Variants in PRELID2 observed in about 807,000 individuals in gnomAD.
PRELID2 encodes the protein PRELI domain containing 2.
PRELID2 carries 25 observed loss-of-function variants against 28.4 expected under a neutral mutation model. The observed-to-expected ratio is 0.88, with a 90% CI of 0.64 to 1.23. The LOEUF is 1.23. PRELID2 is among the 50% of genes most tolerant of loss of function. The pLI is 0.00. For synonymous variants in PRELID2, 76 were observed against 71.6 expected, an observed-to-expected ratio of 1.06 and a Z score of -0.31; for missense variants, 201 against 214.4, an observed-to-expected ratio of 0.94 and a Z score of 0.39.
the PRELID2 span, chr5:145,229,553 A>G: frequency 2.0e-6 from 3 of 1,475,890 alleles, no homozygotes; most frequent in Non-Finnish European, 2.8e-6. Flanking sequence ...CACCCACCAG[A>G]CCTCCTTGGA....
intron 1 of PRELID2, among the ~76,000 whole-genome samples, chr5:145,484,330 T>A (rs1208779018): frequency 1.3e-5 from 2 of 152,168 alleles, no homozygotes; most frequent in African/African-American, 2.4e-5. Flanking sequence ...AAACAGTGAC[T>A]TCCATTGGGT....
chr5:145,639,051 G>A (rs894633286), intron 1 of PRELID2, among the ~76,000 whole-genome samples: 2 of 152,154 alleles, frequency 1.3e-5, no homozygotes, highest in South Asian at 4.1e-4. Flanking sequence ...ATAATCAGTA[G>A]TCAAATAAAC....
intron 1 of PRELID2, among the ~76,000 whole-genome samples, chr5:145,827,898 T>C (rs1023622700): frequency 1.3e-5 from 2 of 152,158 alleles, no homozygotes; most frequent in Non-Finnish European, 2.9e-5. Flanking sequence ...AAAATCTAAA[T>C]AGGGTCTATA....
intron 1 of PRELID2, among the ~76,000 whole-genome samples, chr5:145,724,646 T>TATATATATATATAA (rs1756090075): frequency 8.3e-6 from 1 of 120,106 alleles, no homozygotes; most frequent in African/African-American, 3.0e-5. Context: ...TATATATATA[T>TATATATATATATAA]AATGCCTGTA....
intron 1 of PRELID2, among the ~76,000 whole-genome samples, chr5:145,474,938 T>G (rs1263279143): frequency 6.6e-6 from 1 of 152,182 alleles, no homozygotes; most frequent in Non-Finnish European, 1.5e-5. Flanking sequence ...GATATCACCA[T>G]GCATATTAAA....
chr5:145,473,292 A>G (rs1272957338), exon 2 of PRELID2: 2 of 152,198 alleles, frequency 1.3e-5, no homozygotes, highest in Non-Finnish European at 2.9e-5. Context: ...TACATTTTCC[A>G]GTCTTTATTT....
chr5:145,692,022 T>C (rs914188518), intron 1 of PRELID2, among the ~76,000 whole-genome samples: 1 of 152,192 alleles, frequency 6.6e-6, no homozygotes, highest in African/African-American at 2.4e-5. Context: ...TCCTCCTCTA[T>C]GATGCTTGCT....
the PRELID2 span, among the ~76,000 whole-genome samples, chr5:145,344,632 T>C: frequency 2.0e-5 from 3 of 152,048 alleles, no homozygotes; most frequent in South Asian, 6.2e-4. Context: ...GTATACATAA[T>C]GTAAAATGTT....
chr5:145,745,690 C>T lies in PRELID2; in HGVS notation n.70+19241G>A, dbSNP rs146387989. Among the ~76,000 whole-genome samples the T allele has an allele frequency of 4.2e-3, 645 of 152,136 alleles. 2 individuals carry two copies. The highest frequency in any genetic ancestry group is 0.014 in the African/African-American group (575 of 41,508). On this transcript the variant is annotated intron_variant and non_coding_transcript_variant, in intron 1 of 2. Transcript: ENST00000510259. ...CAGCCTAGCCAACATGGTGAAATCC[C>T]GTCTCTACTAAAAATAGAAACAATT...
At chr5:145,440,105 G>A in the PRELID2 span, among the ~76,000 whole-genome samples, 1 of 152,076 alleles carries the variant, frequency 6.6e-6, no homozygotes, top group Non-Finnish European at 1.5e-5. Context: ...ACCCTTCCAT[G>A]AGACTTGGGA....
intron 4 of PRELID2, among the ~76,000 whole-genome samples, chr5:145,797,693 C>T (rs557244580): frequency 6.6e-6 from 1 of 152,120 alleles, no homozygotes; most frequent in East Asian, 1.9e-4. Context: ...GTTTGAGAGG[C>T]CCCCAGAATC....
chr5:145,562,458 G>T (rs1415798020), intron 1 of PRELID2, among the ~76,000 whole-genome samples: 4 of 152,092 alleles, frequency 2.6e-5, no homozygotes, highest in Non-Finnish European at 5.9e-5. Context: ...GATCTATTAT[G>T]GTTCATTTTC....
chr5:145,728,644 C>T, intron 1 of PRELID2: 2 of 1,349,016 alleles, frequency 1.5e-6, no homozygotes, highest in Non-Finnish European at 2.1e-6. Context: ...CGAACATAAC[C>T]AATATTTTCA....
the PRELID2 span, among the ~76,000 whole-genome samples, chr5:145,309,447 A>T: frequency 6.6e-6 from 1 of 152,202 alleles, no homozygotes; most frequent in Non-Finnish European, 1.5e-5. Flanking sequence ...AGGATTGCAG[A>T]ATAGCTAAGC....
the PRELID2 span, among the ~76,000 whole-genome samples, chr5:145,268,627 C>A: frequency 6.6e-6 from 1 of 152,092 alleles, no homozygotes; most frequent in East Asian, 1.9e-4. Flanking sequence ...AGCTTTCTTG[C>A]TGATGTCACT....
At chr5:145,434,950 G>A in the PRELID2 span, among the ~76,000 whole-genome samples, 5 of 152,108 alleles carry the variant, frequency 3.3e-5, no homozygotes, top group Admixed American at 6.5e-5. Flanking sequence ...CATTTTTGAC[G>A]TATTATTTTA....
chr5:145,619,268 C>T (rs769087784), intron 1 of PRELID2, among the ~76,000 whole-genome samples: 1 of 152,196 alleles, frequency 6.6e-6, no homozygotes, highest in African/African-American at 2.4e-5. Flanking sequence ...TGGAGGCTTC[C>T]TTCTCCCTGT....
the PRELID2 span, among the ~76,000 whole-genome samples, chr5:145,253,571 A>G: frequency 1.3e-5 from 2 of 151,932 alleles, no homozygotes; most frequent in Non-Finnish European, 2.9e-5. Flanking sequence ...GAATCCCTGC[A>G]AGTCATGGCT....
At chr5:145,239,431 C>G in the PRELID2 span, among the ~76,000 whole-genome samples, 1 of 151,950 alleles carries the variant, frequency 6.6e-6, no homozygotes, top group Non-Finnish European at 1.5e-5. Flanking sequence ...TATTCTGGGT[C>G]AGCAGAGGCC....
Sources: allele counts gnomAD v4.1 joint callset (sites outside exome capture counted in the v4.1 genomes callset), GRCh38; gene constraint gnomAD v4.1.1; transcripts MANE v1.5; gene names NCBI Gene and HGNC (gene_info 2026-07-23, HGNC 2026-07-21).